Variants in LARS2 observed in about 807,000 individuals in gnomAD.
LARS2 encodes the protein leucine--tRNA ligase, mitochondrial.
Under a neutral mutation model 116.6 loss-of-function variants are expected in LARS2, and 81 were observed. The ratio of observed to expected loss-of-function variants is 0.69; its 90% CI spans 0.58 to 0.84. The LOEUF (loss-of-function observed/expected upper bound fraction) is 0.84. Among genes scored for constraint, LARS2 ranks in the 40% least tolerant of loss-of-function variants. The probability of loss-of-function intolerance (pLI) is 0.00; values close to 1 mark genes in which losing one functional copy is unlikely to be tolerated. For missense variants in LARS2, 968 were observed against 1,114.5 expected (o/e 0.87, Z 1.87); for synonymous variants, 396 against 407.2 (o/e 0.97, Z 0.33).
intron 7 of LARS2, among the ~76,000 whole-genome samples, chr3:45,453,092 A>C (rs1337792540): frequency 6.6e-6 from 1 of 151,774 alleles, no homozygotes; most frequent in African/African-American, 2.4e-5. Flanking sequence ...ATTTTGTGTG[A>C]ATTTTCAAAA....
intron 3 of LARS2, among the ~76,000 whole-genome samples, chr3:45,399,836 A>G (rs1445443973): frequency 6.6e-6 from 1 of 151,346 alleles, no homozygotes; most frequent in Non-Finnish European, 1.5e-5. Context: ...TATCATTCTT[A>G]TGCCTCATAG....
At chr3:45,515,022 G>A (rs1181286043) in intron 16 of LARS2, among the ~76,000 whole-genome samples, 1 of 152,216 alleles carries the variant, frequency 6.6e-6, no homozygotes, top group Non-Finnish European at 1.5e-5. Context: ...ATGAAGTATG[G>A]AGTTGGCTTT....
intron 4 of LARS2, among the ~76,000 whole-genome samples, chr3:45,408,437 T>C (rs1698268833): frequency 6.6e-6 from 1 of 152,250 alleles, no homozygotes; most frequent in South Asian, 2.1e-4. Context: ...GCTAGCGTTC[T>C]TGTGCTGGTC....
At chr3:45,490,903 C>T (rs184688507) in intron 12 of LARS2, among the ~76,000 whole-genome samples, 13 of 152,344 alleles carry the variant, frequency 8.5e-5, no homozygotes, top group Admixed American at 1.3e-4. Context: ...GTCTATAAAA[C>T]GGGAGCATTT....
Position 45,399,570 on chromosome 3 carries a change from G to A in LARS2, c.235-675G>A, listed in dbSNP as rs921114917. 7.3e-5 allele frequency among the ~76,000 whole-genome samples: 11 copies of A among 151,614 alleles called. No individual in the cohort carries two copies. The East Asian group carries it at 1.4e-3, about 19-fold the overall frequency. ...CTTTCGCTTTCTTCTACAGACTGGC[G>A]CTGAATTCTTTCTTGCGTGAGATCC... On this transcript the variant is annotated intron_variant, in intron 3 of 21. Transcript: ENST00000645846.
intron 6 of LARS2, chr3:45,421,439 C>G (rs1698511664): frequency 6.6e-6 from 1 of 152,118 alleles, no homozygotes; most frequent in Non-Finnish European, 1.5e-5. Context: ...GGATTTTGAA[C>G]CTCTAATTCA....
intron 14 of LARS2, among the ~76,000 whole-genome samples, chr3:45,498,588 A>G (rs1700058226): frequency 6.6e-6 from 1 of 152,236 alleles, no homozygotes; most frequent in Admixed American, 6.5e-5. Flanking sequence ...TTCTAGCCTC[A>G]AAGCTGAAGC....
At chr3:45,540,742 A>ATCTGTCTG (rs145996918) in intron 20 of LARS2, among the ~76,000 whole-genome samples, 14,436 of 123,212 alleles carry the variant, frequency 0.12, 933 homozygotes, top group Non-Finnish European at 0.16. Flanking sequence ...GCATGTATCT[A>ATCTGTCTG]TCTGTCTATC....
intron 13 of LARS2, among the ~76,000 whole-genome samples, chr3:45,493,449 G>A (rs1048309334): frequency 2.0e-5 from 3 of 152,150 alleles, no homozygotes; most frequent in Non-Finnish European, 4.4e-5. Flanking sequence ...GAGCCAGTGT[G>A]GCCGAGCAAG....
intron 6 of LARS2, among the ~76,000 whole-genome samples, chr3:45,425,016 T>C (rs939612390): frequency 2.6e-5 from 4 of 152,204 alleles, no homozygotes; most frequent in Non-Finnish European, 4.4e-5. Flanking sequence ...ATATTAGTTT[T>C]GTATTTTTAG....
At chr3:45,492,398 T>C (rs1454632154) in intron 13 of LARS2, among the ~76,000 whole-genome samples, 1 of 152,258 alleles carries the variant, frequency 6.6e-6, no homozygotes, top group Non-Finnish European at 1.5e-5. Context: ...TATCAGCTAA[T>C]TAAACAAATA....
chr3:45,539,315 A>G (rs78934946), intron 20 of LARS2, among the ~76,000 whole-genome samples: 1,666 of 152,292 alleles, frequency 0.011, 33 homozygotes, highest in African/African-American at 0.036. Flanking sequence ...CCTTGTAGAA[A>G]ATCTGTAACA....
chr3:45,535,332 G>A (rs570868436), intron 20 of LARS2, among the ~76,000 whole-genome samples: 113 of 149,226 alleles, frequency 7.6e-4, no homozygotes, highest in African/African-American at 2.7e-3. Context: ...CTGCCTGGGC[G>A]ACAGAGTGAG....
chr3:45,520,257 T>G lies in LARS2; in HGVS notation c.2253T>G (p.Ser751=), dbSNP rs1700431767. The change falls in exon 19 of 22, where the codon TCT becomes TCG. Residue 751 remains serine (S), a synonymous_variant. Transcript: ENST00000645846. The part of the protein sequence containing the change: ...THFTEDFSLN[S]AISQLMGLSN... ...TCACAGAGGACTTCTCACTGAATTC[T>G]GCAATTTCTCAGCTGATGGGACTCA... 1.2e-6 allele frequency: 2 copies of G among 1,613,700 alleles called. No individual in the cohort carries two copies.
chr3:45,416,267 A>G (rs1698420467), intron 4 of LARS2, among the ~76,000 whole-genome samples: 1 of 151,640 alleles, frequency 6.6e-6, no homozygotes, highest in Non-Finnish European at 1.5e-5. Context: ...AAAAAAAAAA[A>G]AAGAAAGGGA....
At chr3:45,461,347 C>A (rs1044809438) in intron 8 of LARS2, among the ~76,000 whole-genome samples, 2 of 151,750 alleles carry the variant, frequency 1.3e-5, no homozygotes, top group South Asian at 4.2e-4. Flanking sequence ...CCCTCACACA[C>A]CTATGTAGTG....
chr3:45,488,782 T>C lies in LARS2; in HGVS notation c.1209T>C (p.Asp403=), dbSNP rs1220733808. The change falls in exon 12 of 22, where the codon GAT becomes GAC. Residue 403 remains aspartate, a synonymous_variant. Transcript: ENST00000645846. The stretch of plus-strand genomic sequence containing the variant: ...CTGAAGTCATTGAAACTTTGCCAGA[T>C]GGCACAGAGAGACTGAGCAGCTCTG... ...AYSEVIETLP[D]GTERLSSSAE... 1 of 1,613,404 alleles carries C rather than the reference T, an allele frequency of 6.2e-7. No homozygotes were observed.
At chr3:45,473,358 G>A (rs979732533) in intron 8 of LARS2, among the ~76,000 whole-genome samples, 1 of 151,240 alleles carries the variant, frequency 6.6e-6, no homozygotes, top group Non-Finnish European at 1.5e-5. Flanking sequence ...TTGGGTGCGT[G>A]TGTGTGTGTG....
At position 45,485,801 on chromosome 3, in the gene LARS2, G is replaced by A. The variant is rs1260730300; in HGVS notation, c.1123+5G>A. The A allele has an allele frequency of 1.9e-6, 3 of 1,564,362 alleles. No homozygotes were observed. Among genetic ancestry groups the A allele is most frequent in the Admixed American group, 1.7e-5 (1 of 58,032 alleles). ...GCTCTCTGGATTCAAAAATAGGTAAGCAGCTATTAAAATGTAACCACAACG... is the reference window on the plus strand; with the variant it reads ...GCTCTCTGGATTCAAAAATAGGTAAACAGCTATTAAAATGTAACCACAACG... On this transcript the variant is annotated splice_donor_5th_base_variant and intron_variant, in intron 11 of 21. Coordinates refer to ENST00000645846, the MANE Select transcript of LARS2 (RefSeq NM_015340.4).
Sources: gnomAD v4.1 joint callset for allele counts (sites outside exome capture counted in the v4.1 genomes callset) on GRCh38, gnomAD v4.1.1 for gene constraint, MANE v1.5 for transcripts, NCBI Gene and HGNC (gene_info 2026-07-23, HGNC 2026-07-21) for gene names.